CD163L1: variants seen among roughly 807,000 people sequenced by gnomAD.
The protein encoded by CD163L1 is scavenger receptor cysteine-rich type 1 protein M160.
In CD163L1, 124 loss-of-function variants were observed where a neutral mutation model predicts 165.4. That is an observed-to-expected ratio of 0.75 (90% CI 0.65 to 0.87). CD163L1 has a LOEUF of 0.87. Among genes scored for constraint, CD163L1 ranks in the 40% least tolerant of loss-of-function variants. The pLI, the probability that CD163L1 is intolerant of heterozygous loss-of-function variation, is 0.00. For missense variants in CD163L1, 1,525 were observed against 1,799.9 expected, an observed-to-expected ratio of 0.85 and a Z score of 2.76; for synonymous variants, 585 against 662.2, an observed-to-expected ratio of 0.88 and a Z score of 1.79.
At chr12:7,412,994 G>A (rs1948167634) in intron 4 of CD163L1, among the ~76,000 whole-genome samples, 1 of 150,734 alleles carries the variant, frequency 6.6e-6, no homozygotes, top group African/African-American at 2.5e-5. Flanking sequence ...CACTCGGGAG[G>A]CTGAGGCAGG....
chr12:7,440,227 C>T (rs971385049), intron 2 of CD163L1, among the ~76,000 whole-genome samples: 2 of 152,066 alleles, frequency 1.3e-5, no homozygotes, highest in African/African-American at 4.8e-5. Flanking sequence ...GCCGGCCCTC[C>T]GCGCAGGCAG....
the CD163L1 span, among the ~76,000 whole-genome samples, chr12:7,340,820 G>T: frequency 2.6e-5 from 4 of 152,096 alleles, no homozygotes; most frequent in Non-Finnish European, 5.9e-5. Context: ...AATCTGAATC[G>T]GCTCATATCT....
chr12:7,335,043 TATC>T, the CD163L1 span, among the ~76,000 whole-genome samples: 1 of 152,098 alleles, frequency 6.6e-6, no homozygotes, highest in South Asian at 2.1e-4. Flanking sequence ...GAAGAATCAA[TATC>T]ATGAAAATGG....
chr12:7,437,350 ATATT>A (rs200382222), intron 2 of CD163L1, among the ~76,000 whole-genome samples: 14,765 of 79,164 alleles, frequency 0.19, 1,273 homozygotes, highest in African/African-American at 0.35. Flanking sequence ...ATATACTTTT[ATATT>A]TATTAAGTTC....
chr12:7,351,460 G>C (rs1946706280), downstream of CD163L1, among the ~76,000 whole-genome samples: 3 of 152,100 alleles, frequency 2.0e-5, no homozygotes, highest in South Asian at 6.2e-4. Flanking sequence ...GTCTCACGTG[G>C]TGAAGAGAGA....
downstream of CD163L1, among the ~76,000 whole-genome samples, chr12:7,344,047 T>C (rs1309610203): frequency 1.3e-5 from 2 of 151,676 alleles, no homozygotes; most frequent in African/African-American, 2.4e-5. Context: ...CCCTAGCAAG[T>C]CTGAAACCCC....
intron 2 of CD163L1, chr12:7,439,360 T>G: frequency 6.3e-7 from 1 of 1,599,560 alleles, no homozygotes; most frequent in Non-Finnish European, 8.5e-7. Flanking sequence ...TTGGACTCCT[T>G]TAGTTCTTCT....
the CD163L1 span, among the ~76,000 whole-genome samples, chr12:7,322,066 A>C: frequency 6.6e-6 from 1 of 152,358 alleles, no homozygotes; most frequent in South Asian, 2.1e-4. Flanking sequence ...AAGCCCTTAC[A>C]ACATAGCGAC....
At position 7,432,380 on chromosome 12, in the gene CD163L1, T is replaced by C. The variant is rs769453569; in HGVS notation, c.766+36A>G. ...CCATACATACTGTTTCTAAACAAATTGTTCCTTTCTTCTACATGATGTCTT... is the reference window on the plus strand; with the variant it reads ...CCATACATACTGTTTCTAAACAAATCGTTCCTTTCTTCTACATGATGTCTT... On this transcript the variant is annotated intron_variant, in intron 4 of 19. Coordinates refer to ENST00000313599, the MANE Select transcript of CD163L1 (RefSeq NM_174941.6). The surrounding 1 kb of genome is among the most constrained non-coding windows in gnomAD (Gnocchi z 4.2). 2 of 1,473,816 alleles carry C rather than the reference T, an allele frequency of 1.4e-6. No homozygotes were observed. Among genetic ancestry groups the C allele is most frequent in the Non-Finnish European group, 1.9e-6 (2 of 1,070,882 alleles). 91.3% of individuals were successfully genotyped at this position (1,473,816 alleles called of 1,614,324 possible).
chr12:7,375,800 G>A lies in CD163L1; in HGVS notation c.2586C>T (p.Phe862=), dbSNP rs1386117856. ...GGTGAGTTTCACTCCCTTCACACTGGAACTTTTCGGCCCAAGTTAGACCAT... is the reference window on the plus strand; with the variant it reads ...GGTGAGTTTCACTCCCTTCACACTGAAACTTTTCGGCCCAAGTTAGACCAT... ...KGNGLTWAEK[F]QCEGSETHLA... Residue 862 remains phenylalanine (F), a synonymous_variant, in exon 10 of 20, where the codon TTC becomes TTT. Transcript: ENST00000313599. 14 of 1,614,074 alleles carry A rather than the reference G, an allele frequency of 8.7e-6. No homozygotes were observed. In the South Asian group the frequency reaches 1.2e-4, roughly 14 times the overall value.
rs78954904 is a variant in CD163L1, at chr12:7,408,870, G to A, written c.767-2018C>T. 9.6e-4 allele frequency among the ~76,000 whole-genome samples: 146 copies of A among 152,330 alleles called. 1 individual carries two copies. The East Asian group carries it at 0.025, about 27-fold the overall frequency. ...TTTTGACTACCATGTCTAGGAAAGAGCATAGGATAAAAAGGGAGATAGCCA... is the reference window on the plus strand; with the variant it reads ...TTTTGACTACCATGTCTAGGAAAGAACATAGGATAAAAAGGGAGATAGCCA... On this transcript the variant is annotated intron_variant, in intron 4 of 19. Transcript: ENST00000313599.
chr12:7,364,173 A>G (rs1261035903), intron 18 of CD163L1, among the ~76,000 whole-genome samples: 1 of 152,156 alleles, frequency 6.6e-6, no homozygotes. Flanking sequence ...ACATTAACAG[A>G]ATCAAGAACA....
the CD163L1 span, among the ~76,000 whole-genome samples, chr12:7,338,430 C>T: frequency 6.6e-6 from 1 of 152,114 alleles, no homozygotes; most frequent in South Asian, 2.1e-4. Flanking sequence ...CATGTTAAGA[C>T]AGGGAATGCC....
chr12:7,339,353 G>A, the CD163L1 span, among the ~76,000 whole-genome samples: 1 of 152,034 alleles, frequency 6.6e-6, no homozygotes, highest in Non-Finnish European at 1.5e-5. Flanking sequence ...ATTTGAGAGA[G>A]TTTTCAGATG....
intron 4 of CD163L1, among the ~76,000 whole-genome samples, chr12:7,417,670 C>A (rs1948273182): frequency 6.6e-6 from 1 of 152,052 alleles, no homozygotes. Flanking sequence ...TTGAGATAAT[C>A]ATGTGGTTTT....
In CD163L1 at chr12:7,371,614, T is replaced by C. The variant is rs764370374; in HGVS notation, c.3730+1706A>G. 1.5e-3 allele frequency among the ~76,000 whole-genome samples: 234 copies of C among 152,144 alleles called. 2 individuals are homozygous for C. Among genetic ancestry groups the C allele is most frequent in the African/African-American group, 5.2e-3 (218 of 41,552 alleles). On this transcript the variant is annotated intron_variant, in intron 14 of 19. Coordinates refer to ENST00000313599, the MANE Select transcript of CD163L1 (RefSeq NM_174941.6). ...ATTTCAGGTAATATAATTGATCAAA[T>C]AGGAAAATAGATTTTGGGAAGAAAA... is the stretch of plus-strand genomic sequence containing the variant.
intron 4 of CD163L1, among the ~76,000 whole-genome samples, chr12:7,415,624 T>C (rs1038338661): frequency 3.9e-5 from 6 of 152,032 alleles, no homozygotes; most frequent in Non-Finnish European, 8.8e-5. Context: ...TCCCTCCCAG[T>C]GTCCATGTGT....
At chr12:7,442,961 A>G (rs1948848837) in intron 1 of CD163L1, among the ~76,000 whole-genome samples, 1 of 152,216 alleles carries the variant, frequency 6.6e-6, no homozygotes, top group Non-Finnish European at 1.5e-5. Context: ...GACCTTCTAT[A>G]TATCTAATAC....
the CD163L1 span, among the ~76,000 whole-genome samples, chr12:7,339,365 T>C: frequency 0.061 from 9,308 of 152,198 alleles, 382 homozygotes; most frequent in East Asian, 0.17. Context: ...TTTCAGATGA[T>C]AGTCTCTGAT....
Sources: allele counts gnomAD v4.1 joint callset (sites outside exome capture counted in the v4.1 genomes callset), GRCh38; gene constraint gnomAD v4.1.1; non-coding constraint Gnocchi (gnomAD v3.1); transcripts MANE v1.5; gene names NCBI Gene and HGNC (gene_info 2026-07-23, HGNC 2026-07-21).